The following SLAMF1 variants were observed in gnomAD, a reference collection of about 807,000 sequenced individuals.
SLAMF1 encodes the protein signaling lymphocytic activation molecule family member 1, also known as signaling lymphocytic activation molecule.
A neutral mutation model predicts 35.1 loss-of-function variants in SLAMF1; 18 were observed. That is an observed-to-expected ratio of 0.51 (90% CI 0.35 to 0.76). The LOEUF is 0.76. SLAMF1 is among the 30% of genes least tolerant of loss of function. The pLI, the probability that SLAMF1 is intolerant of heterozygous loss-of-function variation, is 0.01. For missense variants in SLAMF1, 392 were observed against 413.0 expected (o/e 0.95, Z 0.44); for synonymous variants, 168 against 157.2 (o/e 1.07, Z -0.51).
intron 3 of SLAMF1, 99 bp downstream of exon 3, chr1:160,634,514 T>C: frequency 7.0e-7 from 1 of 1,433,368 alleles, no homozygotes; most frequent in Non-Finnish European, 9.4e-7. Flanking sequence ...TAAAGTATTG[T>C]TACTAAGGTG....
chr1:160,614,887 GA>G (rs1325546852), intron 5 of SLAMF1, among the ~76,000 whole-genome samples: 1 of 152,032 alleles, frequency 6.6e-6, no homozygotes, highest in African/African-American at 2.4e-5. Flanking sequence ...TAGGACCACT[GA>G]TTTGTACATC....
intron 1 of SLAMF1, among the ~76,000 whole-genome samples, chr1:160,638,214 T>C (rs1464882318): frequency 6.6e-6 from 1 of 152,144 alleles, no homozygotes; most frequent in Non-Finnish European, 1.5e-5. Flanking sequence ...TGCTGATTAT[T>C]TCACACCTCC....
intron 3 of SLAMF1, among the ~76,000 whole-genome samples, chr1:160,629,991 T>A (rs1660083566): frequency 6.6e-6 from 1 of 152,262 alleles, no homozygotes; most frequent in African/African-American, 2.4e-5. Context: ...CGGAGCTCAC[T>A]GGCAGGCGTC....
chr1:160,615,754 C>A, intron 5 of SLAMF1: 2 of 349,020 alleles, frequency 5.7e-6, no homozygotes, highest in Non-Finnish European at 1.2e-5. Context: ...AGTCCGAAGT[C>A]TGATGATGAC....
intron 3 of SLAMF1, among the ~76,000 whole-genome samples, chr1:160,633,763 C>T (rs1660281477): frequency 2.6e-5 from 4 of 152,156 alleles, no homozygotes; most frequent in African/African-American, 9.7e-5. Flanking sequence ...CTTTTGCTGA[C>T]AGAATAATGA....
chr1:160,644,400 C>G (rs935752487), intron 1 of SLAMF1, among the ~76,000 whole-genome samples: 6 of 152,168 alleles, frequency 3.9e-5, no homozygotes, highest in African/African-American at 1.4e-4. Flanking sequence ...ATAATACATA[C>G]ATTTCTTATA....
At chr1:160,615,351 G>A (rs892555255) in intron 5 of SLAMF1, among the ~76,000 whole-genome samples, 1 of 152,022 alleles carries the variant, frequency 6.6e-6, no homozygotes, top group African/African-American at 2.4e-5. Context: ...TTATGCAGGA[G>A]GGAAGTAAAC....
At chr1:160,624,823 C>G (rs1390719380) in intron 3 of SLAMF1, among the ~76,000 whole-genome samples, 2 of 152,166 alleles carry the variant, frequency 1.3e-5, no homozygotes, top group Admixed American at 1.3e-4. Context: ...TTATTGTTTT[C>G]TCTCCTTTAC....
intron 4 of SLAMF1, among the ~76,000 whole-genome samples, chr1:160,622,144 T>C (rs1013669602): frequency 3.3e-5 from 5 of 152,180 alleles, no homozygotes; most frequent in Non-Finnish European, 5.9e-5. Context: ...TTGTTGCTGC[T>C]TAAAAGGACC....
chr1:160,627,628 C>G (rs1244156281), intron 3 of SLAMF1, among the ~76,000 whole-genome samples: 1 of 152,062 alleles, frequency 6.6e-6, no homozygotes, highest in African/African-American at 2.4e-5. Context: ...GTCAGAGACC[C>G]CATGCTCTTA....
At chr1:160,638,950 T>A (rs975224439) in intron 1 of SLAMF1, among the ~76,000 whole-genome samples, 1 of 152,082 alleles carries the variant, frequency 6.6e-6, no homozygotes, top group African/African-American at 2.4e-5. Flanking sequence ...GTACTCGGAG[T>A]TCTCATTCTC....
intron 5 of SLAMF1, among the ~76,000 whole-genome samples, chr1:160,613,291 T>C (rs1475638441): frequency 6.6e-6 from 1 of 152,252 alleles, no homozygotes; most frequent in African/African-American, 2.4e-5. Context: ...CACTCTATGC[T>C]ATATTTAAAA....
intron 4 of SLAMF1, chr1:160,623,460 C>T (rs1166235873): frequency 2.5e-6 from 1 of 397,760 alleles, no homozygotes; most frequent in Admixed American, 4.4e-5. Flanking sequence ...AGAATGAAAT[C>T]AGTCATCAGC....
At position 160,637,529 on chromosome 1, in the gene SLAMF1, C is replaced by G; in HGVS notation, c.77G>C (p.Gly26Ala). 1 of 1,606,298 alleles carries G rather than the reference C, an allele frequency of 6.2e-7. No individual in the cohort carries two copies. The highest frequency in any genetic ancestry group is 8.5e-7 in the Non-Finnish European group (1 of 1,178,298). ...SLAFGASYGT[G>A]GRMMNCPKIL... Reference sequence around the variant, plus strand: ...CTTTGGGCAGTTCATCATGCGCCCACCTGTGGGAGGGAGGAGAAGAGAGTC... The same window carrying G: ...CTTTGGGCAGTTCATCATGCGCCCAGCTGTGGGAGGGAGGAGAAGAGAGTC... The change falls in exon 2 of 7, where the codon GGT (glycine) becomes GCT (alanine). Residue 26 changes from glycine to alanine, a missense_variant and splice_region_variant. Coordinates refer to ENST00000302035, the MANE Select transcript of SLAMF1 (RefSeq NM_003037.5).
intron 1 of SLAMF1, among the ~76,000 whole-genome samples, chr1:160,638,649 A>C (rs1324062250): frequency 6.6e-6 from 1 of 151,724 alleles, no homozygotes; most frequent in Non-Finnish European, 1.5e-5. Context: ...TTCCAGACCC[A>C]TTTTTCCTTG....
intron 3 of SLAMF1, among the ~76,000 whole-genome samples, chr1:160,629,064 C>T (rs965335848): frequency 6.6e-6 from 1 of 152,200 alleles, no homozygotes; most frequent in African/African-American, 2.4e-5. Flanking sequence ...CATTTCTGAA[C>T]CAGAGGTTTG....
At chr1:160,621,319 G>A (rs765519965) in intron 4 of SLAMF1, among the ~76,000 whole-genome samples, 2 of 152,156 alleles carry the variant, frequency 1.3e-5, no homozygotes, top group Non-Finnish European at 2.9e-5. Context: ...ACAGCACTAT[G>A]GGAGGCTGAG....
chr1:160,627,574 C>A (rs181507575), intron 3 of SLAMF1, among the ~76,000 whole-genome samples: 1 of 152,186 alleles, frequency 6.6e-6, no homozygotes, highest in African/African-American at 2.4e-5. Context: ...TGGTGCTCAT[C>A]CATTTGTTGC....
intron 5 of SLAMF1, among the ~76,000 whole-genome samples, chr1:160,614,128 A>G (rs979470810): frequency 2.0e-5 from 3 of 152,228 alleles, no homozygotes; most frequent in Admixed American, 6.5e-5. Context: ...CTTTGGAAGT[A>G]ATGTTGTAGC....
Sources: allele counts gnomAD v4.1 joint callset (sites outside exome capture counted in the v4.1 genomes callset), GRCh38; gene constraint gnomAD v4.1.1; transcripts MANE v1.5; gene names NCBI Gene and HGNC (gene_info 2026-07-23, HGNC 2026-07-21).